Variants in LENG8 observed in about 807,000 individuals in gnomAD.
LENG8 encodes the protein leukocyte receptor cluster (LRC) member 8.
A neutral mutation model predicts 102.1 loss-of-function variants in LENG8; 28 were observed. The observed-to-expected ratio is 0.27, with a 90% CI of 0.20 to 0.38. LENG8 has a LOEUF of 0.38. Among genes scored for constraint, LENG8 ranks in the 10% least tolerant of loss-of-function variants. The pLI is 1.00. For synonymous variants in LENG8, 531 were observed against 456.7 expected, an observed-to-expected ratio of 1.16 and a Z score of -2.07; for missense variants, 1,022 against 1,113.9, an observed-to-expected ratio of 0.92 and a Z score of 1.17.
chr19:54,454,825 C>T (rs1279927257), intron 6 of LENG8, 126 bp from the exon 7 acceptor site: 5 of 1,438,086 alleles, frequency 3.5e-6, no homozygotes, highest in Non-Finnish European at 4.7e-6. Flanking sequence ...GGACCAGGCA[C>T]ATGTGTGCTG....
chr19:54,460,568 G>C (rs2084481262), intron 15 of LENG8, 198 bp from the exon 16 acceptor site: 2 of 1,412,004 alleles, frequency 1.4e-6, no homozygotes, highest in South Asian at 3.1e-5. Context: ...GGGGGGCACA[G>C]GGGACTGGGG....
chr19:54,456,284 G>C, intron 9 of LENG8, 39 bp downstream of exon 9: 1 of 1,614,140 alleles, frequency 6.2e-7, no homozygotes, highest in South Asian at 1.1e-5. Context: ...GTGAGGGAGG[G>C]GGAGGCGTTT....
rs2084018763 is a variant in LENG8, at chr19:54,452,736, G to A, written c.299G>A (p.Ser100Asn). The change falls in exon 4 of 16, where the codon AGC becomes AAC. Residue 100 changes from serine (S) to asparagine (N), a missense_variant. By Grantham distance (46) the Ser-to-Asn change is conservative. Coordinates refer to ENST00000326764, the MANE Select transcript of LENG8 (RefSeq NM_052925.4). Reference protein sequence around the residue: ...YQQYNYAYPYSYYYPMSMYQS... With the variant: ...YQQYNYAYPYNYYYPMSMYQS... ...CAGTACAACTATGCCTACCCCTACA[G>A]CTACTACTATCCCATGGTGAGTGCC... 1 of 1,612,896 alleles carries A rather than the reference G, an allele frequency of 6.2e-7. No homozygotes were observed. The highest frequency in any genetic ancestry group is 8.5e-7 in the Non-Finnish European group (1 of 1,179,004).
At position 54,452,694 on chromosome 19, in the gene LENG8, A is replaced by G. The variant is rs754548081; in HGVS notation, c.257A>G (p.Tyr86Cys). Residue 86 changes from tyrosine to cysteine, a missense_variant, in exon 4 of 16, where the codon TAC becomes TGC. Physicochemically the swap from Tyr to Cys is radical, Grantham distance 194. Around this residue, in one of 7 missense-constraint regions of LENG8, gnomAD observed 343 missense variants for 320.2 expected, o/e 1.07. Coordinates refer to ENST00000326764, the MANE Select transcript of LENG8 (RefSeq NM_052925.4). ...GCCTCAGCTTTGCAGCAGCAGCAGT[A>G]CTACCAGTGGTACCAGCAGTACAAC... is the stretch of plus-strand genomic sequence containing the variant. The part of the protein sequence containing the change: ...AEASALQQQQ[Y>C]YQWYQQYNYA... 6.2e-7 allele frequency: 1 copy of G among 1,614,152 alleles called. No homozygotes were observed. Among genetic ancestry groups the G allele is most frequent in the Admixed American group, 1.7e-5 (1 of 60,018 alleles).
chr19:54,450,718 T>G (rs558741172), intron 1 of LENG8, among the ~76,000 whole-genome samples: 31 of 151,808 alleles, frequency 2.0e-4, no homozygotes, highest in African/African-American at 7.0e-4. Flanking sequence ...CCTCCCGTGT[T>G]CAAGCGATTC....
rs2083946212 is a variant in LENG8, at chr19:54,451,257, T to G, written c.-55-33T>G. On this transcript the variant is annotated intron_variant, in intron 1 of 15. Transcript: ENST00000326764. ...TTTGTGACGTGTTTTTAGCTCCCCC[T>G]TAAGTCTCCCTAACTCATTCTTTTT... 2.9e-6 allele frequency: 4 copies of G among 1,400,690 alleles called. No homozygotes were observed. In the African/African-American group the frequency reaches 5.6e-5, roughly 20 times the overall value. 86.8% of individuals were successfully genotyped at this position (1,400,690 alleles called of 1,614,324 possible). A position where few individuals can be genotyped will look rare whatever the true frequency, so the allele number is the denominator to read the frequency against.
At chr19:54,459,000 T>C in intron 15 of LENG8, 1 of 1,445,712 alleles carries the variant, frequency 6.9e-7, no homozygotes, top group Non-Finnish European at 9.1e-7. Context: ...GACACCTGTG[T>C]TGAGGCCACA....
rs372533166 is a variant in LENG8, at chr19:54,454,544, A to G, written c.541A>G (p.Ser181Gly). The G allele has an allele frequency of 3.1e-6, 5 of 1,613,352 alleles. No homozygotes were observed. In the African/African-American group the frequency reaches 4.0e-5, roughly 13 times the overall value. ...CCCACATGGGGCTCACACGCTGAAC[A>G]GTGGCCCTCAGCCTGGGACAGCTCC... ...NPPHGAHTLN[S>G]GPQPGTAPAT... Residue 181 changes from serine to glycine, a missense_variant, in exon 6 of 16, where the codon AGT becomes GGT. Transcript: ENST00000326764.
chr19:54,459,026 G>C, intron 15 of LENG8: 2 of 1,435,386 alleles, frequency 1.4e-6, no homozygotes, highest in Admixed American at 2.8e-5. Context: ...CGCGGTGCCA[G>C]AGGCCCCTGG....
rs539979297 is a variant in LENG8 at position 54,456,104 on chromosome 19, G to A, written c.1163G>A (p.Gly388Glu). 3 of 1,609,834 alleles carry A rather than the reference G, an allele frequency of 1.9e-6. No homozygotes were observed. The African/African-American group carries it at 4.0e-5, about 22-fold the overall frequency. The change falls in exon 9 of 16, where the codon GGG becomes GAG. Residue 388 changes from glycine to glutamate, a missense_variant. This residue lies in a region of LENG8 where 326 missense variants were observed against 324.5 expected (regional missense o/e 1.00). Coordinates refer to ENST00000326764, the MANE Select transcript of LENG8 (RefSeq NM_052925.4). ...APSQRGTPGA[G>E]GAGRARGNSF... is the part of the protein sequence containing the mutation. ...TCCCAGCGAGGGACGCCCGGGGCTG[G>A]GGGTGCCGGTCGAGCCCGGGGCAAC...
At position 54,456,101 on chromosome 19, in the gene LENG8, C is replaced by T. The variant is rs1371676585; in HGVS notation, c.1160C>T (p.Ala387Val). 6.2e-7 allele frequency: 1 copy of T among 1,609,258 alleles called. No individual in the cohort carries two copies. The highest frequency in any genetic ancestry group is 8.5e-7 in the Non-Finnish European group (1 of 1,177,094). ...CCGTCCCAGCGAGGGACGCCCGGGG[C>T]TGGGGGTGCCGGTCGAGCCCGGGGC... is the stretch of plus-strand genomic sequence containing the variant. Reference protein sequence around the residue: ...GAPSQRGTPGAGGAGRARGNS... With the variant: ...GAPSQRGTPGVGGAGRARGNS... The change falls in exon 9 of 16, where the codon GCT becomes GTT. Residue 387 changes from alanine to valine, a missense_variant. By Grantham distance (64) the Ala-to-Val change is moderately conservative (BLOSUM62 0). This residue lies in a region of LENG8 where 326 missense variants were observed against 324.5 expected (regional missense o/e 1.00). Coordinates refer to ENST00000326764, the MANE Select transcript of LENG8 (RefSeq NM_052925.4).
At position 54,461,559 on chromosome 19, in the gene LENG8, T is replaced by G. The variant is rs1300211691; in HGVS notation, c.*631T>G. On this transcript the variant is annotated 3_prime_UTR_variant, in exon 16 of 16. Coordinates refer to ENST00000326764, the MANE Select transcript of LENG8 (RefSeq NM_052925.4). Reference sequence around the variant, plus strand: ...AGGACACGCCGGCCGGGCCGCCTCGTCTCAAGTTGTATAAAGTTGTCTCCG... The same window carrying G: ...AGGACACGCCGGCCGGGCCGCCTCGGCTCAAGTTGTATAAAGTTGTCTCCG... The G allele has an allele frequency of 2.1e-6, 1 of 472,000 alleles. No homozygotes were observed. The highest frequency in any genetic ancestry group is 1.5e-5 in the South Asian group (1 of 64,570). 29.2% of individuals were successfully genotyped at this position (472,000 alleles called of 1,614,324 possible).
chr19:54,460,717 C>CCG, intron 15 of LENG8, 49 bp from the exon 16 acceptor site: 4 of 1,360,246 alleles, frequency 2.9e-6, no homozygotes, highest in Non-Finnish European at 3.9e-6. Flanking sequence ...GGGCCCTCCC[C>CCG]TGCCCTCCCG....
chr19:54,460,027 C>T, intron 15 of LENG8: 1 of 1,278,616 alleles, frequency 7.8e-7, no homozygotes. Context: ...TGTCATTGAC[C>T]TCATTGTGTC....
At chr19:54,450,035 T>A (rs528372010) in intron 1 of LENG8, among the ~76,000 whole-genome samples, 1 of 152,196 alleles carries the variant, frequency 6.6e-6, no homozygotes. Context: ...ATCCTACTTA[T>A]CAGTTACTCC....
intron 7 of LENG8, 56 bp downstream of exon 7, chr19:54,455,148 G>C (rs2084161898): frequency 6.2e-7 from 1 of 1,605,794 alleles, no homozygotes; most frequent in Non-Finnish European, 8.5e-7. Flanking sequence ...CAGCGTCTAT[G>C]GTCCAGTCCC....
In LENG8 at chr19:54,457,812, C is replaced by G. The variant is rs769045680; in HGVS notation, c.1797C>G (p.Ala599=). 5.1e-5 allele frequency: 83 copies of G among 1,614,216 alleles called. 1 individual carries two copies. The Middle Eastern group carries it at 1.5e-3, about 29-fold the overall frequency. Residue 599 remains alanine (A), a synonymous_variant, in exon 12 of 16, where the codon GCC becomes GCG. Transcript: ENST00000326764. The part of the protein sequence containing the change: ...HWKEKQDYAF[A]CEQMKSIRQD... ...AAGAGAAGCAGGACTACGCGTTTGCCTGCGAGCAGATGAAGTCGATCCGGC... is the reference window on the plus strand; with the variant it reads ...AAGAGAAGCAGGACTACGCGTTTGCGTGCGAGCAGATGAAGTCGATCCGGC...
intron 15 of LENG8, 34 bp from the exon 16 acceptor site, chr19:54,460,732 C>T (rs1324956782): frequency 1.1e-5 from 16 of 1,416,538 alleles, no homozygotes; most frequent in Non-Finnish European, 1.4e-5. Context: ...CTCCCGCCCG[C>T]CCGCCTCATC....
chr19:54,455,185 C>T (rs1318555190), intron 7 of LENG8, 93 bp downstream of exon 7: 74 of 1,562,150 alleles, frequency 4.7e-5, no homozygotes, highest in Non-Finnish European at 6.3e-5. Context: ...CCCTGAGCCT[C>T]AGTGTGCGCC....
Sources: allele counts gnomAD v4.1 joint callset (sites outside exome capture counted in the v4.1 genomes callset), GRCh38; gene constraint gnomAD v4.1.1; regional missense constraint gnomAD v4.1.1; transcripts MANE v1.5; gene names NCBI Gene and HGNC (gene_info 2026-07-23, HGNC 2026-07-21).